The following PGAP1 variants were observed in gnomAD, a reference collection of about 807,000 sequenced individuals.
PGAP1 encodes post-GPI attachment to proteins inositol deacylase 1.
A neutral mutation model predicts 127.0 loss-of-function variants in PGAP1; 76 were observed. The ratio of observed to expected loss-of-function variants is 0.60; its 90% CI spans 0.50 to 0.72. The LOEUF (loss-of-function observed/expected upper bound fraction) is 0.72, where lower values mean the gene tolerates loss of function less well. Ranked by LOEUF, PGAP1 falls within the 30% of genes least tolerant of loss-of-function variation. The probability of loss-of-function intolerance (pLI) is 0.00; values close to 1 mark genes in which losing one functional copy is unlikely to be tolerated. For synonymous variants in PGAP1, 362 were observed against 366.5 expected (o/e 0.99, Z 0.14); for missense variants, 982 against 1,071.3 (o/e 0.92, Z 1.16).
intron 20 of PGAP1, among the ~76,000 whole-genome samples, chr2:196,855,517 G>T (rs1287799258): frequency 6.6e-6 from 1 of 151,882 alleles, no homozygotes; most frequent in Admixed American, 6.6e-5. Flanking sequence ...ACTGCTAATC[G>T]AAATCAAGCA....
At chr2:196,852,168 C>T (rs1400660233) in intron 20 of PGAP1, among the ~76,000 whole-genome samples, 5 of 152,080 alleles carry the variant, frequency 3.3e-5, no homozygotes, top group Admixed American at 3.3e-4. Context: ...TGTATTACTA[C>T]TTTATAATTA....
intron 5 of PGAP1, among the ~76,000 whole-genome samples, chr2:196,900,464 T>C (rs1467475718): frequency 6.6e-6 from 1 of 152,220 alleles, no homozygotes; most frequent in Non-Finnish European, 1.5e-5. Context: ...ATTGTTACTG[T>C]TAATAACTTT....
At chr2:196,868,540 T>A (rs997931603) in intron 19 of PGAP1, among the ~76,000 whole-genome samples, 1 of 152,196 alleles carries the variant, frequency 6.6e-6, no homozygotes, top group Non-Finnish European at 1.5e-5. Flanking sequence ...AATTAAAATA[T>A]TTCATCTAAA....
chr2:196,855,592 T>C (rs1486469227), intron 20 of PGAP1, among the ~76,000 whole-genome samples: 1 of 152,178 alleles, frequency 6.6e-6, no homozygotes, highest in South Asian at 2.1e-4. Flanking sequence ...ATTTGAAATG[T>C]TGGTTCTTCA....
At chr2:196,878,458 G>A (rs977980272) in intron 13 of PGAP1, among the ~76,000 whole-genome samples, 4 of 152,078 alleles carry the variant, frequency 2.6e-5, no homozygotes, top group Admixed American at 1.3e-4. Context: ...TAGATGGCGC[G>A]TCCTCATTAT....
chr2:196,856,557 C>G (rs1431855507), intron 20 of PGAP1, among the ~76,000 whole-genome samples: 1 of 152,152 alleles, frequency 6.6e-6, no homozygotes, highest in Admixed American at 6.5e-5. Flanking sequence ...TCTGAGAGCC[C>G]TGTAAGCTGA....
chr2:196,878,489 C>T (rs1357662914), intron 13 of PGAP1, among the ~76,000 whole-genome samples: 1 of 152,074 alleles, frequency 6.6e-6, no homozygotes, highest in East Asian at 1.9e-4. Context: ...AGTATCCCCA[C>T]CTGTCAGAAA....
At chr2:196,876,941 A>G (rs1273986154) in intron 13 of PGAP1, among the ~76,000 whole-genome samples, 1 of 152,106 alleles carries the variant, frequency 6.6e-6, no homozygotes, top group Non-Finnish European at 1.5e-5. Context: ...AACAGCTGCT[A>G]AAAGATTATA....
chr2:196,857,274 T>C (rs1371188333), intron 20 of PGAP1, among the ~76,000 whole-genome samples: 1 of 152,232 alleles, frequency 6.6e-6, no homozygotes, highest in African/African-American at 2.4e-5. Context: ...TTTGTAGAAA[T>C]ACAACTCCTA....
At chr2:196,887,400 C>CAAAACA (rs1169665946) in intron 10 of PGAP1, among the ~76,000 whole-genome samples, 1 of 151,880 alleles carries the variant, frequency 6.6e-6, no homozygotes, top group Non-Finnish European at 1.5e-5. Context: ...CAAAACAAAA[C>CAAAACA]AAAACAAAAA....
At chr2:196,877,854 C>G (rs1701613396) in intron 13 of PGAP1, among the ~76,000 whole-genome samples, 1 of 152,076 alleles carries the variant, frequency 6.6e-6, no homozygotes, top group Non-Finnish European at 1.5e-5. Flanking sequence ...AGAATAAAAC[C>G]TATCTGTTCA....
intron 13 of PGAP1, among the ~76,000 whole-genome samples, chr2:196,879,005 C>A (rs1701645745): frequency 6.6e-6 from 1 of 152,136 alleles, no homozygotes; most frequent in African/African-American, 2.4e-5. Context: ...GACAGCATGG[C>A]TCTACAATGT....
In PGAP1 at chr2:196,833,302, G is replaced by C. The variant is rs575138560; in HGVS notation, c.*7932C>G. The C allele has an allele frequency of 1.3e-5, 2 of 152,226 alleles. No individual in the cohort carries two copies. Among genetic ancestry groups the C allele is most frequent in the South Asian group, 4.1e-4 (2 of 4,824 alleles). 9.4% of individuals were successfully genotyped at this position (152,226 alleles called of 1,614,324 possible). A position where few individuals can be genotyped will look rare whatever the true frequency, so the allele number is the denominator to read the frequency against. On this transcript the variant is annotated 3_prime_UTR_variant, in exon 27 of 27. Transcript: ENST00000354764. ...AAATGTATTTAATATACTATACATT[G>C]TACAAAGTACTGGAGATCATGCATG...
At chr2:196,863,489 G>A (rs761674282) in intron 20 of PGAP1, among the ~76,000 whole-genome samples, 2 of 152,110 alleles carry the variant, frequency 1.3e-5, no homozygotes, top group East Asian at 1.9e-4. Flanking sequence ...AATATTATAC[G>A]CCCTCATTCA....
intron 8 of PGAP1, among the ~76,000 whole-genome samples, chr2:196,892,680 T>C (rs1013537263): frequency 6.6e-6 from 1 of 152,156 alleles, no homozygotes; most frequent in Non-Finnish European, 1.5e-5. Flanking sequence ...ACAAGACACA[T>C]AATTAAATAT....
In PGAP1 at chr2:196,839,816, G is replaced by C. The variant is rs368177721; in HGVS notation, c.*1418C>G. On this transcript the variant is annotated 3_prime_UTR_variant, in exon 27 of 27. Coordinates refer to ENST00000354764, the MANE Select transcript of PGAP1 (RefSeq NM_024989.4). Reference sequence around the variant, plus strand: ...GGCAGATAAAATAAAACTGGTGCTCGAGGACATCCCTGGGTACTAACAAGG... The same window carrying C: ...GGCAGATAAAATAAAACTGGTGCTCCAGGACATCCCTGGGTACTAACAAGG... 3 of 152,164 alleles carry C rather than the reference G, an allele frequency of 2.0e-5. No homozygotes were observed. Among genetic ancestry groups the C allele is most frequent in the East Asian group, 1.9e-4 (1 of 5,206 alleles). The allele number at this position is 152,164 out of a possible 1,614,324, so 9.4% of individuals were successfully genotyped here. A position where few individuals can be genotyped will look rare whatever the true frequency, so the allele number is the denominator to read the frequency against.
chr2:196,847,989 T>C lies in PGAP1; in HGVS notation c.1910A>G (p.Tyr637Cys). ...ATMLDKEAKPYKVDPFVIIIK... is the reference protein window; with the variant it reads ...ATMLDKEAKPCKVDPFVIIIK... ...GATAATTACAAAAGGATCAACTTTGTATGGTTTGGCTTCTTTATCCAACAT... is the reference window on the plus strand; with the variant it reads ...GATAATTACAAAAGGATCAACTTTGCATGGTTTGGCTTCTTTATCCAACAT... The change falls in exon 21 of 27, where the codon TAC (tyrosine) becomes TGC (cysteine). Residue 637 changes from tyrosine (Y) to cysteine (C), a missense_variant. By Grantham distance (194) the Tyr-to-Cys change is radical. Transcript: ENST00000354764. The C allele has an allele frequency of 6.2e-7, 1 of 1,602,192 alleles. No individual in the cohort carries two copies. Among genetic ancestry groups the C allele is most frequent in the Non-Finnish European group, 8.5e-7 (1 of 1,175,810 alleles).
Position 196,841,445 on chromosome 2 carries a change from T to C in PGAP1, c.2631-73A>G. 24 of 1,152,734 alleles carry C rather than the reference T, an allele frequency of 2.1e-5. 1 individual carries two copies. The South Asian group carries it at 3.5e-4, about 17-fold the overall frequency. The allele number at this position is 1,152,734 out of a possible 1,614,324, so 71.4% of individuals were successfully genotyped here. ...GAGCCAAAATTATATCAATCTTTTATACAGTTTTGGAAAGATAAATATTCT... is the reference window on the plus strand; with the variant it reads ...GAGCCAAAATTATATCAATCTTTTACACAGTTTTGGAAAGATAAATATTCT... On this transcript the variant is annotated intron_variant, in intron 26 of 26. Transcript: ENST00000354764.
intron 8 of PGAP1, among the ~76,000 whole-genome samples, chr2:196,892,719 T>C (rs969128060): frequency 2.0e-5 from 3 of 152,056 alleles, no homozygotes; most frequent in Non-Finnish European, 4.4e-5. Flanking sequence ...TATATTTAAA[T>C]AGACAAAGCA....
Sources: allele counts gnomAD v4.1 joint callset (sites outside exome capture counted in the v4.1 genomes callset), GRCh38; gene constraint gnomAD v4.1.1; transcripts MANE v1.5; gene names NCBI Gene and HGNC (gene_info 2026-07-23, HGNC 2026-07-21).